Variants in CDK13 observed in about 807,000 individuals in gnomAD.
The protein encoded by CDK13 is cyclin dependent kinase 13.
CDK13 carries 40 observed loss-of-function variants against 137.6 expected under a neutral mutation model. That is an observed-to-expected ratio of 0.29 (90% CI 0.23 to 0.38). The LOEUF is 0.38. Among genes scored for constraint, CDK13 ranks in the 10% least tolerant of loss-of-function variants. The probability of loss-of-function intolerance (pLI) is 1.00; values close to 1 mark genes in which losing one functional copy is unlikely to be tolerated. For synonymous variants in CDK13, 869 were observed against 760.1 expected, an observed-to-expected ratio of 1.14 and a Z score of -2.36; for missense variants, 1,704 against 1,951.8, an observed-to-expected ratio of 0.87 and a Z score of 2.39.
In CDK13 at chr7:39,951,654, G is replaced by A. The variant is rs1435320548; in HGVS notation, c.1013G>A (p.Arg338His). Residue 338 changes from arginine (R) to histidine (H), a missense_variant, in exon 1 of 14, where the codon CGC (arginine) becomes CAC (histidine). Coordinates refer to ENST00000181839, the MANE Select transcript of CDK13 (RefSeq NM_003718.5). ...AGGGCCTCTCAGAGCCTGAGGAGCC[G>A]CAAGTCCCCCAGCCCGGCAGGAGGT... ...SHRASQSLRS[R>H]KSPSPAGGGS... The A allele has an allele frequency of 2.0e-6, 3 of 1,476,320 alleles. No homozygotes were observed. The highest frequency in any genetic ancestry group is 2.5e-5 in the Admixed American group (1 of 40,164). 91.5% of individuals were successfully genotyped at this position (1,476,320 alleles called of 1,614,324 possible). A position where few individuals can be genotyped will look rare whatever the true frequency, so the allele number is the denominator to read the frequency against.
At chr7:40,062,515 C>G (rs997317444) in intron 7 of CDK13, 1 of 240,646 alleles carries the variant, frequency 4.2e-6, no homozygotes, top group Non-Finnish European at 8.1e-6. Context: ...CTCCTGACCT[C>G]GTGATCTGCC....
chr7:39,992,482 C>G lies in CDK13; in HGVS notation c.1871+4224C>G, dbSNP rs538941951. Among the ~76,000 whole-genome samples, 3 of 152,114 alleles carry G rather than the reference C, an allele frequency of 2.0e-5. No homozygotes were observed. In the South Asian group the frequency reaches 6.2e-4, roughly 32 times the overall value. On this transcript the variant is annotated intron_variant, in intron 2 of 13. Transcript: ENST00000181839. ...AAATGTTGGGATTACAGGCATGAGC[C>G]ACCGCTCCCAGCTGTGTATACTTTT...
At chr7:39,959,307 A>G (rs182686414) in intron 1 of CDK13, among the ~76,000 whole-genome samples, 21 of 150,572 alleles carry the variant, frequency 1.4e-4, no homozygotes, top group African/African-American at 4.9e-4. Flanking sequence ...GATTACAGGC[A>G]TGCGCCACCA....
chr7:39,972,271 C>T (rs1784016209), intron 1 of CDK13, among the ~76,000 whole-genome samples: 1 of 152,190 alleles, frequency 6.6e-6, no homozygotes, highest in Non-Finnish European at 1.5e-5. Context: ...AGAATAAACA[C>T]AAAACATTTC....
intron 11 of CDK13, among the ~76,000 whole-genome samples, chr7:40,083,961 T>G (rs1172073188): frequency 6.6e-6 from 1 of 152,234 alleles, no homozygotes; most frequent in Non-Finnish European, 1.5e-5. Flanking sequence ...AAATACATGG[T>G]ATTCCTTTAG....
Position 39,988,016 on chromosome 7 carries a change from T to A in CDK13, c.1629T>A (p.Leu543=). 6.2e-7 allele frequency: 1 copy of A among 1,614,118 alleles called. No homozygotes were observed. The highest frequency in any genetic ancestry group is 1.1e-5 in the South Asian group (1 of 91,082). Residue 543 remains leucine, a synonymous_variant, in exon 2 of 14, where the codon CTT becomes CTA. Coordinates refer to ENST00000181839, the MANE Select transcript of CDK13 (RefSeq NM_003718.5). ...KNDKAKTKPP[L]QVTKVENNLI... The stretch of plus-strand genomic sequence containing the variant: ...ACAAAGCAAAAACAAAGCCACCTCT[T>A]CAGGTAACGAAGGTGGAAAATAATT...
intron 5 of CDK13, among the ~76,000 whole-genome samples, chr7:40,003,206 A>ACACACTCTCTCTCTCTCTCTCT (rs374470130): frequency 7.5e-5 from 6 of 79,904 alleles, no homozygotes; most frequent in Admixed American, 2.9e-4. Context: ...ACACACACAC[A>ACACACTCTCTCTCTCTCTCTCT]CTCTCTCTCT....
intron 1 of CDK13, among the ~76,000 whole-genome samples, chr7:39,959,016 C>G (rs983644200): frequency 1.3e-5 from 2 of 152,088 alleles, no homozygotes; most frequent in Non-Finnish European, 2.9e-5. Context: ...ATCTTGAACT[C>G]CTGACCTCAA....
At chr7:40,071,347 A>G (rs552265696) in intron 9 of CDK13, 90 of 152,254 alleles carry the variant, frequency 5.9e-4, no homozygotes, top group African/African-American at 2.0e-3. Flanking sequence ...TATAGTTTCT[A>G]AAATAAAAGT....
chr7:40,031,188 G>A (rs891973871), intron 5 of CDK13, among the ~76,000 whole-genome samples: 16 of 152,234 alleles, frequency 1.1e-4, no homozygotes, highest in African/African-American at 3.9e-4. Context: ...GATATGTAGT[G>A]GTATCTTATT....
Position 39,987,717 on chromosome 7 carries a change from A to G in CDK13, c.1330A>G (p.Thr444Ala). The change falls in exon 2 of 14, where the codon ACT (threonine) becomes GCT (alanine). Residue 444 changes from threonine (T) to alanine (A), a missense_variant. By Grantham distance (58) the Thr-to-Ala change is moderately conservative. Around this residue, in one of 5 missense-constraint regions of CDK13, gnomAD observed 1,051 missense variants for 931.0 expected, o/e 1.13. Transcript: ENST00000181839. ...TTCTAGTATTTCTCCTAGCACACTA[A>G]CTCTGAAGAGTAGCCTGGCAGCTGA... ...RHSSISPSTLTLKSSLAAELN... is the reference protein window; with the variant it reads ...RHSSISPSTLALKSSLAAELN... 7 of 1,614,116 alleles carry G rather than the reference A, an allele frequency of 4.3e-6. No homozygotes were observed. The highest frequency in any genetic ancestry group is 5.9e-6 in the Non-Finnish European group (7 of 1,180,042).
Position 39,951,823 on chromosome 7 carries a change from C to T in CDK13, c.1182C>T (p.Arg394=). 1 of 1,456,380 alleles carries T rather than the reference C, an allele frequency of 6.9e-7. No individual in the cohort carries two copies. The highest frequency in any genetic ancestry group is 1.5e-5 in the South Asian group (1 of 68,240). 90.2% of individuals were successfully genotyped at this position (1,456,380 alleles called of 1,614,324 possible). A position where few individuals can be genotyped will look rare whatever the true frequency, so the allele number is the denominator to read the frequency against. ...PSPYSSSSWR[R]SRSPYSPVLR... is the part of the protein sequence containing the mutation. ...CCTACAGCAGCAGCAGCTGGCGCCG[C>T]TCTCGCAGTCCCTACAGCCCTGTGC... Residue 394 remains arginine, a synonymous_variant, in exon 1 of 14, where the codon CGC becomes CGT. Coordinates refer to ENST00000181839, the MANE Select transcript of CDK13 (RefSeq NM_003718.5).
At chr7:39,981,594 T>C (rs999155319) in intron 1 of CDK13, among the ~76,000 whole-genome samples, 4 of 152,168 alleles carry the variant, frequency 2.6e-5, no homozygotes, top group African/African-American at 7.2e-5. Context: ...ATGTTTGTTA[T>C]AAACAGTAAA....
intron 5 of CDK13, among the ~76,000 whole-genome samples, chr7:40,021,911 A>G (rs903984315): frequency 3.3e-5 from 5 of 152,222 alleles, no homozygotes; most frequent in African/African-American, 9.6e-5. Flanking sequence ...TTATCAAGGT[A>G]TATTTATGGG....
intron 1 of CDK13, among the ~76,000 whole-genome samples, chr7:39,969,857 T>G (rs1408708499): frequency 1.3e-5 from 2 of 152,180 alleles, no homozygotes; most frequent in African/African-American, 2.4e-5. Context: ...GGTTGTTGTC[T>G]TACTAAAGTT....
intron 1 of CDK13, among the ~76,000 whole-genome samples, chr7:39,974,176 A>G (rs562131940): frequency 1.3e-5 from 2 of 152,284 alleles, no homozygotes; most frequent in East Asian, 3.9e-4. Flanking sequence ...TTTCATCACT[A>G]CAGAACTGCA....
intron 1 of CDK13, among the ~76,000 whole-genome samples, chr7:39,972,126 A>C (rs1201656940): frequency 6.6e-6 from 1 of 152,198 alleles, no homozygotes; most frequent in Admixed American, 6.5e-5. Flanking sequence ...ACATGAAGAC[A>C]AACACAGAAT....
At chr7:40,093,330 T>C in intron 13 of CDK13, 93 bp downstream of exon 13, 2 of 1,050,042 alleles carry the variant, frequency 1.9e-6, no homozygotes, top group African/African-American at 1.6e-5. Flanking sequence ...TTCAGTGACA[T>C]TGCCAAAAGA....
chr7:40,092,729 G>A (rs1341552909), intron 12 of CDK13, 56 bp from the exon 13 acceptor site: 1 of 1,285,520 alleles, frequency 7.8e-7, no homozygotes. Flanking sequence ...TTTTGGTGTG[G>A]GAGTGGGAGG....
Sources: allele counts gnomAD v4.1 joint callset (sites outside exome capture counted in the v4.1 genomes callset), GRCh38; gene constraint gnomAD v4.1.1; regional missense constraint gnomAD v4.1.1; transcripts MANE v1.5; gene names NCBI Gene and HGNC (gene_info 2026-07-23, HGNC 2026-07-21).